The following LRCH1 variants were observed in gnomAD, a reference collection of about 807,000 sequenced individuals.
The protein encoded by LRCH1 is leucine-rich repeat and calponin homology domain-containing protein 1.
LRCH1 carries 23 observed loss-of-function variants against 94.9 expected under a neutral mutation model. The observed-to-expected ratio is 0.24, with a 90% CI of 0.17 to 0.34. The LOEUF (loss-of-function observed/expected upper bound fraction) is 0.34. Among genes scored for constraint, LRCH1 ranks in the 10% least tolerant of loss-of-function variants. The pLI, the probability that LRCH1 is intolerant of heterozygous loss-of-function variation, is 1.00. For missense variants in LRCH1, 790 were observed against 945.9 expected, an observed-to-expected ratio of 0.84 and a Z score of 2.16; for synonymous variants, 364 against 354.9, an observed-to-expected ratio of 1.03 and a Z score of -0.29.
rs75181468 is a variant in LRCH1, at chr13:46,605,483, A to G, written c.308-44718A>G. On this transcript the variant is annotated intron_variant, in intron 1 of 19. Transcript: ENST00000389797. ...TCTGTTTAGAGGCCCCACACAATACAGTATATGTGCTGAAGATGAGGGCAC... is the reference window on the plus strand; with the variant it reads ...TCTGTTTAGAGGCCCCACACAATACGGTATATGTGCTGAAGATGAGGGCAC... 7.3e-3 allele frequency among the ~76,000 whole-genome samples: 1,105 copies of G among 152,262 alleles called. 52 individuals are homozygous for G. The East Asian group carries it at 0.14, about 20-fold the overall frequency.
intron 1 of LRCH1, among the ~76,000 whole-genome samples, chr13:46,573,866 A>ATATATATTTTTTT: frequency 5.0e-4 from 32 of 63,388 alleles, no homozygotes; most frequent in African/African-American, 1.6e-3. Flanking sequence ...ATATATATAT[A>ATATATATTTTTTT]TTTTTTTTTT....
chr13:46,558,906 C>G (rs922483509), intron 1 of LRCH1, among the ~76,000 whole-genome samples: 9 of 152,204 alleles, frequency 5.9e-5, no homozygotes, highest in Middle Eastern at 3.2e-3. Context: ...CCGGAAATGG[C>G]TGAAGCCTAG....
intron 19 of LRCH1, among the ~76,000 whole-genome samples, chr13:46,736,677 A>C (rs1420631411): frequency 1.3e-5 from 2 of 152,234 alleles, no homozygotes; most frequent in Non-Finnish European, 2.9e-5. Context: ...TAAAATATTC[A>C]CTGATTTCCT....
chr13:46,724,270 A>G (rs941760877), intron 17 of LRCH1, among the ~76,000 whole-genome samples: 12 of 152,350 alleles, frequency 7.9e-5, no homozygotes, highest in East Asian at 7.7e-4. Context: ...GTGCAATGGT[A>G]TGATCATAGC....
chr13:46,616,580 G>C (rs2050811494), intron 1 of LRCH1, among the ~76,000 whole-genome samples: 1 of 152,170 alleles, frequency 6.6e-6, no homozygotes, highest in African/African-American at 2.4e-5. Flanking sequence ...AAATAGTGTT[G>C]TATTAAAAAA....
chr13:46,743,801 C>T lies in LRCH1; in HGVS notation c.*1953C>T. On this transcript the variant is annotated 3_prime_UTR_variant, in exon 20 of 20. Coordinates refer to ENST00000389797, the MANE Select transcript of LRCH1 (RefSeq NM_001164211.2). ...ATATCAATAAAAACTGAGTAGGACA[C>T]TCATGTAAGAGTAGATTTAATTTTC... The T allele has an allele frequency of 1.0e-6, 1 of 983,670 alleles. No individual in the cohort carries two copies. The highest frequency in any genetic ancestry group is 1.2e-6 in the Non-Finnish European group (1 of 828,612). The allele number at this position is 983,670 out of a possible 1,614,324, so 60.9% of individuals were successfully genotyped here. A position where few individuals can be genotyped will look rare whatever the true frequency, so the allele number is the denominator to read the frequency against.
chr13:46,735,225 G>A (rs530188035), intron 19 of LRCH1, among the ~76,000 whole-genome samples: 1 of 152,304 alleles, frequency 6.6e-6, no homozygotes, highest in South Asian at 2.1e-4. Context: ...TGTCTATTGT[G>A]TGTGTACATT....
chr13:46,742,002 C>G lies in LRCH1; in HGVS notation c.*154C>G. The G allele has an allele frequency of 2.7e-6, 4 of 1,490,402 alleles. No homozygotes were observed. Among genetic ancestry groups the G allele is most frequent in the Non-Finnish European group, 3.5e-6 (4 of 1,129,180 alleles). The allele number at this position is 1,490,402 out of a possible 1,614,324, so 92.3% of individuals were successfully genotyped here. Reference sequence around the variant, plus strand: ...GCTGAACAGTAGCAAATCAGATTTTCCAGAAGCACAAACTTTGTAGAATAC... The same window carrying G: ...GCTGAACAGTAGCAAATCAGATTTTGCAGAAGCACAAACTTTGTAGAATAC... On this transcript the variant is annotated 3_prime_UTR_variant, in exon 20 of 20. Coordinates refer to ENST00000389797, the MANE Select transcript of LRCH1 (RefSeq NM_001164211.2).
In LRCH1 at chr13:46,625,628, TG is replaced by T. The variant is rs199896621; in HGVS notation, c.308-24569del. ...TCCAGAACTATGAGAAATAAATGTG[TG>T]GGGTTTTTTTTTTTTTTTTTTTTTG... is the stretch of plus-strand genomic sequence containing the variant. On this transcript the variant is annotated intron_variant, in intron 1 of 19. Coordinates refer to ENST00000389797, the MANE Select transcript of LRCH1 (RefSeq NM_001164211.2). Among the ~76,000 whole-genome samples, 43 of 92,890 alleles carry T rather than the reference TG, an allele frequency of 4.6e-4. 1 individual carries two copies. The highest frequency in any genetic ancestry group is 8.5e-4 in the Admixed American group (7 of 8,268). 60.9% of individuals were successfully genotyped at this position (92,890 alleles called of 152,430 possible).
intron 1 of LRCH1, among the ~76,000 whole-genome samples, chr13:46,581,798 C>G (rs1381321156): frequency 6.6e-6 from 1 of 152,332 alleles, no homozygotes; most frequent in South Asian, 2.1e-4. Flanking sequence ...AATATTCCAC[C>G]TTCTCAAGCC....
At chr13:46,656,130 G>T (rs1408966273) in intron 2 of LRCH1, among the ~76,000 whole-genome samples, 1 of 152,202 alleles carries the variant, frequency 6.6e-6, no homozygotes, top group Non-Finnish European at 1.5e-5. Context: ...ACATTCCTCT[G>T]GGAGTCACAC....
chr13:46,620,537 C>CA (rs5803358), intron 1 of LRCH1, among the ~76,000 whole-genome samples: 15,280 of 152,104 alleles, frequency 0.1, 1,043 homozygotes, highest in East Asian at 0.25. Flanking sequence ...GTGTGGGGTT[C>CA]AAGGGAGAGT....
At chr13:46,752,353 C>T (rs1874176523) in exon 19 of LRCH1, 1 of 152,214 alleles carries the variant, frequency 6.6e-6, no homozygotes, top group African/African-American at 2.4e-5. Flanking sequence ...GAAAAGACAC[C>T]ACCAGGAGGA....
chr13:46,727,925 T>TTTC (rs1566252906), intron 17 of LRCH1, among the ~76,000 whole-genome samples: 1 of 126,784 alleles, frequency 7.9e-6, no homozygotes, highest in Admixed American at 7.8e-5. Context: ...TTCTTTCTTT[T>TTTC]TTTTTTTTTG....
chr13:46,658,398 C>G (rs1409018684), intron 2 of LRCH1, among the ~76,000 whole-genome samples: 2 of 152,168 alleles, frequency 1.3e-5, no homozygotes. Context: ...AAAAGTTTTG[C>G]TATGCAGTGG....
At chr13:46,631,924 G>C (rs545012248) in intron 1 of LRCH1, among the ~76,000 whole-genome samples, 1 of 152,098 alleles carries the variant, frequency 6.6e-6, no homozygotes, top group East Asian at 1.9e-4. Flanking sequence ...AATTCAGGCC[G>C]GGCGTGGTGG....
intron 1 of LRCH1, among the ~76,000 whole-genome samples, chr13:46,592,375 T>A (rs2050510170): frequency 6.6e-6 from 1 of 152,202 alleles, no homozygotes; most frequent in South Asian, 2.1e-4. Flanking sequence ...ATTCCCATCC[T>A]TTTAGCTCCT....
chr13:46,648,047 A>T (rs992311619), intron 1 of LRCH1, among the ~76,000 whole-genome samples: 1 of 152,196 alleles, frequency 6.6e-6, no homozygotes, highest in African/African-American at 2.4e-5. Flanking sequence ...GTAATATATA[A>T]TGAAATAATT....
intron 1 of LRCH1, among the ~76,000 whole-genome samples, chr13:46,620,237 A>T (rs1165645690): frequency 2.0e-5 from 3 of 152,002 alleles, no homozygotes; most frequent in Non-Finnish European, 4.4e-5. Flanking sequence ...AAAGCATGTT[A>T]TTCTGTAGCC....
Sources: gnomAD v4.1 joint callset for allele counts (sites outside exome capture counted in the v4.1 genomes callset) on GRCh38, gnomAD v4.1.1 for gene constraint, MANE v1.5 for transcripts, NCBI Gene and HGNC (gene_info 2026-07-23, HGNC 2026-07-21) for gene names.